The following TGFBR2 variants were observed in gnomAD, a reference collection of about 807,000 sequenced individuals.
TGFBR2 encodes TGF-beta receptor type-2.
In TGFBR2, 18 loss-of-function variants were observed where a neutral mutation model predicts 49.0. The observed-to-expected ratio is 0.37, with a 90% CI of 0.25 to 0.54. TGFBR2 has a LOEUF of 0.54. Among genes scored for constraint, TGFBR2 ranks in the 20% least tolerant of loss-of-function variants. TGFBR2 has a pLI of 0.85. For synonymous variants in TGFBR2, 282 were observed against 275.9 expected (o/e 1.02, Z -0.22); for missense variants, 525 against 722.6 (o/e 0.73, Z 3.13).
intron 3 of TGFBR2, among the ~76,000 whole-genome samples, chr3:30,663,457 T>C (rs929986307): frequency 2.6e-5 from 4 of 152,230 alleles, no homozygotes; most frequent in African/African-American, 9.6e-5. Context: ...TCTGATGATT[T>C]GATTAATTCA....
At chr3:30,686,794 T>C (rs1486272118) in intron 5 of TGFBR2, among the ~76,000 whole-genome samples, 1 of 152,238 alleles carries the variant, frequency 6.6e-6, no homozygotes, top group East Asian at 1.9e-4. Flanking sequence ...TTCTATCTTT[T>C]TAAGTGTCCT....
In TGFBR2 at chr3:30,650,433, T is replaced by C. The variant is rs2125410643; in HGVS notation, c.427T>C (p.Cys143Arg). The change falls in exon 3 of 7, where the codon TGC becomes CGC. Residue 143 changes from cysteine to arginine, a missense_variant. Cys to Arg is a radical substitution (Grantham distance 180). This residue lies in a region of TGFBR2 where 376 missense variants were observed against 478.2 expected (regional missense o/e 0.79). Transcript: ENST00000295754. ...FFMCSCSSDE[C>R]NDNIIFSEEY... ...CATGTGTTCCTGTAGCTCTGATGAG[T>C]GCAATGACAACATCATCTTCTCAGA... The C allele has an allele frequency of 6.2e-7, 1 of 1,613,858 alleles. No individual in the cohort carries two copies. Among genetic ancestry groups the C allele is most frequent in the Non-Finnish European group, 8.5e-7 (1 of 1,179,940 alleles).
intron 1 of TGFBR2, among the ~76,000 whole-genome samples, chr3:30,644,139 T>C (rs1362380612): frequency 6.6e-6 from 1 of 152,218 alleles, no homozygotes; most frequent in Non-Finnish European, 1.5e-5. Flanking sequence ...TCAGTAGAAC[T>C]AGTCCCTTGA....
In TGFBR2 at chr3:30,672,121, G is replaced by A. The variant is rs200361387; in HGVS notation, c.938G>A (p.Arg313Gln). 2.7e-5 allele frequency: 44 copies of A among 1,614,158 alleles called. No homozygotes were observed. The highest frequency in any genetic ancestry group is 1.0e-4 in the Admixed American group (6 of 60,032). ...CTCCAGTTCCTGACGGCTGAGGAGC[G>A]GAAGACGGAGTTGGGGAAACAATAC... Reference protein sequence around the residue: ...NILQFLTAEERKTELGKQYWL... With the variant: ...NILQFLTAEEQKTELGKQYWL... The change falls in exon 4 of 7, where the codon CGG becomes CAG. Residue 313 changes from arginine to glutamine, a missense_variant. Coordinates refer to ENST00000295754, the MANE Select transcript of TGFBR2 (RefSeq NM_003242.6). This position sits in a 1 kb window ranked among gnomAD's most constrained non-coding sequence, Gnocchi z 4.5.
intron 5 of TGFBR2, among the ~76,000 whole-genome samples, chr3:30,684,299 A>G (rs1223009538): frequency 6.6e-6 from 1 of 152,238 alleles, no homozygotes; most frequent in South Asian, 2.1e-4. Context: ...TAGGATGTCC[A>G]AAATGAGAGA....
intron 1 of TGFBR2, among the ~76,000 whole-genome samples, chr3:30,631,255 T>C (rs1316836037): frequency 6.6e-6 from 1 of 152,050 alleles, no homozygotes; most frequent in Non-Finnish European, 1.5e-5. Context: ...TTGGCCAGGA[T>C]GGTCTTGATT....
intron 1 of TGFBR2, among the ~76,000 whole-genome samples, chr3:30,644,230 T>C (rs1698690767): frequency 6.6e-6 from 1 of 152,190 alleles, no homozygotes; most frequent in Admixed American, 6.5e-5. Flanking sequence ...CGGTTCCTCC[T>C]TTGGTGTGGC....
chr3:30,678,122 AG>A (rs1699470478), intron 5 of TGFBR2, among the ~76,000 whole-genome samples: 2 of 152,186 alleles, frequency 1.3e-5, no homozygotes, highest in Non-Finnish European at 2.9e-5. Context: ...AGATCTCCAG[AG>A]TCATCTTCTC....
At chr3:30,674,083 TC>T (rs1285394394) in intron 4 of TGFBR2, 21 bp from the exon 5 acceptor site, 1 of 1,614,052 alleles carries the variant, frequency 6.2e-7, no homozygotes, top group Admixed American at 1.7e-5. Flanking sequence ...ATGATGGGCC[TC>T]ACTGTCTGTT....
At chr3:30,660,410 G>T (rs1460890468) in intron 3 of TGFBR2, among the ~76,000 whole-genome samples, 1 of 152,198 alleles carries the variant, frequency 6.6e-6, no homozygotes, top group Non-Finnish European at 1.5e-5. Context: ...TTGGTCTGGG[G>T]CCTGGTATCA....
chr3:30,662,730 G>T (rs1238006239), intron 3 of TGFBR2, among the ~76,000 whole-genome samples: 2 of 152,132 alleles, frequency 1.3e-5, no homozygotes, highest in African/African-American at 4.8e-5. Context: ...CCAGTTAATT[G>T]ACTAGAAAAT....
intron 1 of TGFBR2, among the ~76,000 whole-genome samples, chr3:30,632,976 T>G (rs965759514): frequency 6.6e-6 from 1 of 152,224 alleles, no homozygotes; most frequent in Non-Finnish European, 1.5e-5. Flanking sequence ...TCTAAGAAAC[T>G]TATTGCTTCC....
chr3:30,613,893 G>A (rs2125445671), intron 1 of TGFBR2, among the ~76,000 whole-genome samples: 1 of 152,330 alleles, frequency 6.6e-6, no homozygotes, highest in South Asian at 2.1e-4. Context: ...GCCTTCCCAT[G>A]TTGGGGGTGG....
intron 6 of TGFBR2, among the ~76,000 whole-genome samples, chr3:30,691,008 T>C (rs1454853232): frequency 2.0e-5 from 3 of 152,230 alleles, no homozygotes; most frequent in Non-Finnish European, 4.4e-5. Context: ...GAAAACTCTC[T>C]GTACTTTCCA....
intron 1 of TGFBR2, among the ~76,000 whole-genome samples, chr3:30,636,908 C>CA (rs772606908): frequency 4.0e-5 from 6 of 151,752 alleles, no homozygotes; most frequent in Non-Finnish European, 7.4e-5. Context: ...ACTAAAAATA[C>CA]AAAAAATTAG....
chr3:30,687,887 A>T (rs1699651667), intron 5 of TGFBR2, among the ~76,000 whole-genome samples: 1 of 152,220 alleles, frequency 6.6e-6, no homozygotes, highest in African/African-American at 2.4e-5. Flanking sequence ...TTCAAGATTC[A>T]TCCATGTTGT....
In TGFBR2 at chr3:30,641,068, C is replaced by A. The variant is rs1312697004; in HGVS notation, c.95-3679C>A. Among the ~76,000 whole-genome samples the A allele has an allele frequency of 6.6e-6, 1 of 152,144 alleles. No individual in the cohort carries two copies. Among genetic ancestry groups the A allele is most frequent in the African/African-American group, 2.4e-5 (1 of 41,430 alleles). ...GACTGTTACCCTTCCCTCCCACTGG[C>A]CCTCATCCCACTCTGACCAGCAGTA... On this transcript the variant is annotated intron_variant, in intron 1 of 6. Coordinates refer to ENST00000295754, the MANE Select transcript of TGFBR2 (RefSeq NM_003242.6).
intron 1 of TGFBR2, chr3:30,623,244 G>C (rs751152594): frequency 6.2e-7 from 1 of 1,613,312 alleles, no homozygotes; most frequent in South Asian, 1.1e-5. Context: ...TGCCCCAGCT[G>C]TAATAGGACT....
chr3:30,624,614 C>CA (rs1235709328), intron 1 of TGFBR2, among the ~76,000 whole-genome samples: 10 of 137,332 alleles, frequency 7.3e-5, no homozygotes, highest in Admixed American at 5.7e-4. Context: ...GACTCCGTCT[C>CA]AAAGGAAAAA....
Sources: gnomAD v4.1 joint callset for allele counts (sites outside exome capture counted in the v4.1 genomes callset) on GRCh38, gnomAD v4.1.1 for gene constraint, gnomAD v4.1.1 regional missense constraint, Gnocchi (gnomAD v3.1) non-coding constraint, MANE v1.5 for transcripts, NCBI Gene and HGNC (gene_info 2026-07-23, HGNC 2026-07-21) for gene names.